The following PLAGL1 variants were observed in gnomAD, a reference collection of about 807,000 sequenced individuals.
PLAGL1 encodes PLAG1 like zinc finger 1, also known as zinc finger protein PLAGL1.
A neutral mutation model predicts 4.6 loss-of-function variants in PLAGL1; 1 was observed. That is an observed-to-expected ratio of 0.22 (90% confidence interval 0.08 to 1.03). PLAGL1 has a LOEUF of 1.03. PLAGL1 is among the 50% of genes least tolerant of loss of function. The pLI is 0.58. For missense variants in PLAGL1, 464 were observed against 570.4 expected, an observed-to-expected ratio of 0.81 and a Z score of 1.90; for synonymous variants, 240 against 237.8, an observed-to-expected ratio of 1.01 and a Z score of -0.08.
At position 143,952,746 on chromosome 6, in the gene PLAGL1, T is replaced by C. The variant is rs775607600; in HGVS notation, c.-324-4286A>G. On this transcript the variant is annotated intron_variant, in intron 6 of 7. Coordinates refer to ENST00000674357, the MANE Select transcript of PLAGL1 (RefSeq NM_001317162.2). This position sits in a 1 kb window ranked among gnomAD's most constrained non-coding sequence, Gnocchi z 6.1. ...TTTACAACATTCTTAAAATAAACTGTGACTTCTGGCATCTATTTCCATTGT... is the reference window on the plus strand; with the variant it reads ...TTTACAACATTCTTAAAATAAACTGCGACTTCTGGCATCTATTTCCATTGT... Among the ~76,000 whole-genome samples, 3 of 152,190 alleles carry C rather than the reference T, an allele frequency of 2.0e-5. No individual in the cohort carries two copies. Among genetic ancestry groups the C allele is most frequent in the Non-Finnish European group, 4.4e-5 (3 of 68,028 alleles).
At chr6:144,018,378 G>A (rs913500324) in intron 1 of PLAGL1, among the ~76,000 whole-genome samples, 4 of 152,258 alleles carry the variant, frequency 2.6e-5, no homozygotes, top group East Asian at 1.9e-4. Flanking sequence ...AGGGGCTGGC[G>A]GGGGTGAGAG....
chr6:144,049,380 T>A (rs1279293974), intron 1 of PLAGL1, among the ~76,000 whole-genome samples: 1 of 152,226 alleles, frequency 6.6e-6, no homozygotes, highest in Non-Finnish European at 1.5e-5. Context: ...TACCTTGGTA[T>A]CAATTAACTG....
chr6:144,035,921 G>A (rs1247599667), intron 1 of PLAGL1, among the ~76,000 whole-genome samples: 3 of 152,182 alleles, frequency 2.0e-5, no homozygotes, highest in African/African-American at 4.8e-5. Flanking sequence ...GCAAAGAAAC[G>A]CAGTTCAGGG....
chr6:143,975,967 C>T lies in PLAGL1; in HGVS notation c.-543-6989G>A, dbSNP rs1038633732. On this transcript the variant is annotated intron_variant, in intron 2 of 7. Coordinates refer to ENST00000674357, the MANE Select transcript of PLAGL1 (RefSeq NM_001317162.2). This position sits in a 1 kb window ranked among gnomAD's most constrained non-coding sequence, Gnocchi z 5.8. Reference sequence around the variant, plus strand: ...CTTTCATGTTTTCAAAGAACTAACACATATCTTACTTCGTTGACCCTCACA... The same window carrying T: ...CTTTCATGTTTTCAAAGAACTAACATATATCTTACTTCGTTGACCCTCACA... Among the ~76,000 whole-genome samples the T allele has an allele frequency of 6.6e-6, 1 of 152,204 alleles. No homozygotes were observed. The highest frequency in any genetic ancestry group is 2.4e-5 in the African/African-American group (1 of 41,440).
rs1427284700 is a variant in PLAGL1 at position 143,985,892 on chromosome 6, T to C, written c.-583-718A>G. 1.5e-5 allele frequency among the ~76,000 whole-genome samples: 2 copies of C among 131,090 alleles called. No homozygotes were observed. The highest frequency in any genetic ancestry group is 2.8e-5 in the African/African-American group (1 of 35,828). The allele number at this position is 131,090 out of a possible 152,430, so 86.0% of individuals were successfully genotyped here. ...CATCGGCCAAGCTACATATTATATA[T>C]TATTATGTGTGTGTGTGTGTGTGTG... On this transcript the variant is annotated intron_variant, in intron 1 of 7. Transcript: ENST00000674357. The surrounding 1 kb of genome is among the most constrained non-coding windows in gnomAD (Gnocchi z 4.4).
In PLAGL1 at chr6:143,984,801, T is replaced by G. The variant is rs1014224690; in HGVS notation, c.-544+334A>C. Among the ~76,000 whole-genome samples, 3 of 152,190 alleles carry G rather than the reference T, an allele frequency of 2.0e-5. No individual in the cohort carries two copies. Among genetic ancestry groups the G allele is most frequent in the African/African-American group, 7.2e-5 (3 of 41,454 alleles). On this transcript the variant is annotated intron_variant, in intron 2 of 7. Transcript: ENST00000674357. The surrounding 1 kb of genome is among the most constrained non-coding windows in gnomAD (Gnocchi z 5.5). ...AAAAACAAAGATACATAAATATGTTTTGGAGGAAGACTAATGCCCAACAGG... is the reference window on the plus strand; with the variant it reads ...AAAAACAAAGATACATAAATATGTTGTGGAGGAAGACTAATGCCCAACAGG...
At position 143,952,322 on chromosome 6, in the gene PLAGL1, G is replaced by A. The variant is rs944651878; in HGVS notation, c.-324-3862C>T. Reference sequence around the variant, plus strand: ...ACTTACAGAGCAATGGTCCTGATGCGAGTCATTCTGTTCTGTGACTTGACA... The same window carrying A: ...ACTTACAGAGCAATGGTCCTGATGCAAGTCATTCTGTTCTGTGACTTGACA... On this transcript the variant is annotated intron_variant, in intron 6 of 7. Transcript: ENST00000674357. This position sits in a 1 kb window ranked among gnomAD's most constrained non-coding sequence, Gnocchi z 6.1. Among the ~76,000 whole-genome samples, 8 of 152,214 alleles carry A rather than the reference G, an allele frequency of 5.3e-5. No individual in the cohort carries two copies. The highest frequency in any genetic ancestry group is 2.4e-5 in the African/African-American group (1 of 41,450).
chr6:143,985,978 AAAAT>A lies in PLAGL1; in HGVS notation c.-583-808_-583-805del, dbSNP rs1488374936. On this transcript the variant is annotated intron_variant, in intron 1 of 7. Coordinates refer to ENST00000674357, the MANE Select transcript of PLAGL1 (RefSeq NM_001317162.2). This position sits in a 1 kb window ranked among gnomAD's most constrained non-coding sequence, Gnocchi z 4.4. ...CATATATATCAAATTATATATATAT[AAAAT>A]TATATATATATATATATATATATAT... is the stretch of plus-strand genomic sequence containing the variant. Among the ~76,000 whole-genome samples the A allele has an allele frequency of 7.2e-5, 6 of 83,686 alleles. No individual in the cohort carries two copies. The highest frequency in any genetic ancestry group is 2.3e-4 in the African/African-American group (6 of 25,708). 54.9% of individuals were successfully genotyped at this position (83,686 alleles called of 152,430 possible).
At position 143,941,138 on chromosome 6, in the gene PLAGL1, A is replaced by G; in HGVS notation, c.*286T>C. The G allele has an allele frequency of 3.9e-6, 1 of 253,982 alleles. No individual in the cohort carries two copies. The highest frequency in any genetic ancestry group is 7.4e-6 in the Non-Finnish European group (1 of 134,484). 15.7% of individuals were successfully genotyped at this position (253,982 alleles called of 1,614,324 possible). A position where few individuals can be genotyped will look rare whatever the true frequency, so the allele number is the denominator to read the frequency against. On this transcript the variant is annotated 3_prime_UTR_variant, in exon 8 of 8. Transcript: ENST00000674357. This position sits in a 1 kb window ranked among gnomAD's most constrained non-coding sequence, Gnocchi z 6.0. Reference sequence around the variant, plus strand: ...ATGGCTTACGATTAAATTCCATATGACAAACACTTATATATAGCAGCCGTC... The same window carrying G: ...ATGGCTTACGATTAAATTCCATATGGCAAACACTTATATATAGCAGCCGTC...
Position 144,015,658 on chromosome 6 carries a change from C to G in PLAGL1, c.-150-46680G>C, listed in dbSNP as rs1429051187. Among the ~76,000 whole-genome samples the G allele has an allele frequency of 1.3e-5, 2 of 152,060 alleles. No homozygotes were observed. On this transcript the variant is annotated intron_variant, in intron 1 of 3. Transcript: ENST00000437412. This position sits in a 1 kb window ranked among gnomAD's most constrained non-coding sequence, Gnocchi z 4.3. The stretch of plus-strand genomic sequence containing the variant: ...AACATCATTTCCCCAATGATTAATG[C>G]AAATCAAAACTACAGTGAAATACCG...
At position 144,000,569 on chromosome 6, in the gene PLAGL1, A is replaced by T. The variant is rs1403333338; in HGVS notation, c.-584+7521T>A. 1.3e-5 allele frequency among the ~76,000 whole-genome samples: 2 copies of T among 152,162 alleles called. No homozygotes were observed. Among genetic ancestry groups the T allele is most frequent in the African/African-American group, 4.8e-5 (2 of 41,460 alleles). On this transcript the variant is annotated intron_variant, in intron 1 of 7. Coordinates refer to ENST00000674357, the MANE Select transcript of PLAGL1 (RefSeq NM_001317162.2). The surrounding 1 kb of genome is among the most constrained non-coding windows in gnomAD (Gnocchi z 4.1). ...AAAATTGAGTATTGCAAATATACCC[A>T]TTCTTCTCATATTGATCTATAAATT...
chr6:143,962,143 T>C lies in PLAGL1; in HGVS notation c.-398-1601A>G, dbSNP rs1783509172. Reference sequence around the variant, plus strand: ...TCTCTGCGCCAGTCTAATGCTTAAATAGTTAACAATGCAACAGAGAGCCCA... The same window carrying C: ...TCTCTGCGCCAGTCTAATGCTTAAACAGTTAACAATGCAACAGAGAGCCCA... On this transcript the variant is annotated intron_variant, in intron 5 of 7. Coordinates refer to ENST00000674357, the MANE Select transcript of PLAGL1 (RefSeq NM_001317162.2). The surrounding 1 kb of genome is among the most constrained non-coding windows in gnomAD (Gnocchi z 5.3). Among the ~76,000 whole-genome samples, 2 of 152,158 alleles carry C rather than the reference T, an allele frequency of 1.3e-5. No homozygotes were observed. Among genetic ancestry groups the C allele is most frequent in the Admixed American group, 1.3e-4 (2 of 15,280 alleles).
In PLAGL1 at chr6:143,958,895, TCTC is replaced by T. The variant is rs891545879; in HGVS notation, c.-325+1571_-325+1573del. Among the ~76,000 whole-genome samples, 5 of 152,144 alleles carry T rather than the reference TCTC, an allele frequency of 3.3e-5. No homozygotes were observed. Among genetic ancestry groups the T allele is most frequent in the African/African-American group, 9.7e-5 (4 of 41,426 alleles). The stretch of plus-strand genomic sequence containing the variant: ...TGGAACACTAGCAAGCAGGGCCTCT[TCTC>T]CTTTTCACCTTAAGTCTTTTTTCTC... On this transcript the variant is annotated intron_variant, in intron 6 of 7. Transcript: ENST00000674357. This position sits in a 1 kb window ranked among gnomAD's most constrained non-coding sequence, Gnocchi z 5.1.
At chr6:143,988,235 C>T (rs943454233) in intron 1 of PLAGL1, among the ~76,000 whole-genome samples, 2 of 152,180 alleles carry the variant, frequency 1.3e-5, no homozygotes, top group African/African-American at 4.8e-5. Context: ...ACAAGATTAA[C>T]TAAATTTTTC....
rs1042661065 is a variant in PLAGL1 at position 144,006,554 on chromosome 6, TCA to T, written c.-584+1534_-584+1535del. On this transcript the variant is annotated intron_variant, in intron 1 of 7. Coordinates refer to ENST00000674357, the MANE Select transcript of PLAGL1 (RefSeq NM_001317162.2). This position sits in a 1 kb window ranked among gnomAD's most constrained non-coding sequence, Gnocchi z 4.3. ...GGTTCTGAATTTTACATAGAAGATA[TCA>T]CACAGCATTCTCCGGCAACTTTTTT... 2 of 151,936 alleles carry T rather than the reference TCA, an allele frequency of 1.3e-5. No individual in the cohort carries two copies. The highest frequency in any genetic ancestry group is 4.8e-5 in the African/African-American group (2 of 41,354). The allele number at this position is 151,936 out of a possible 1,614,324, so 9.4% of individuals were successfully genotyped here.
chr6:143,941,448 A>T lies in PLAGL1; in HGVS notation c.1368T>A (p.Pro456=). The T allele has an allele frequency of 1.3e-6, 2 of 1,504,550 alleles. No homozygotes were observed. The highest frequency in any genetic ancestry group is 1.8e-6 in the Non-Finnish European group (2 of 1,126,704). The allele number at this position is 1,504,550 out of a possible 1,614,324, so 93.2% of individuals were successfully genotyped here. ...ATTATCTGAATGCATGATGGAAATGAGGCAGGATGGCAGAGCCAGTGCCAG... is the reference window on the plus strand; with the variant it reads ...ATTATCTGAATGCATGATGGAAATGTGGCAGGATGGCAGAGCCAGTGCCAG... ...FSAGTGSAIL[P]HFHHAFR The change falls in exon 8 of 8, where the codon CCT becomes CCA. Residue 456 remains proline (P), a synonymous_variant. Transcript: ENST00000674357. The surrounding 1 kb of genome is among the most constrained non-coding windows in gnomAD (Gnocchi z 6.0).
At chr6:144,011,550 G>A (rs758803676), upstream of PLAGL1, among the ~76,000 whole-genome samples, 1 of 152,100 alleles carries the variant, frequency 6.6e-6, no homozygotes, top group Non-Finnish European at 1.5e-5. This position sits in a 1 kb window ranked among gnomAD's most constrained non-coding sequence, Gnocchi z 4.3. Flanking sequence ...TTTCCCCCCA[G>A]CATACAGTAT....
Position 143,948,201 on chromosome 6 carries a change from A to G in PLAGL1, c.-65T>C. The G allele has an allele frequency of 6.8e-7, 1 of 1,474,120 alleles. No individual in the cohort carries two copies. Among genetic ancestry groups the G allele is most frequent in the Non-Finnish European group, 9.4e-7 (1 of 1,060,142 alleles). The allele number at this position is 1,474,120 out of a possible 1,614,324, so 91.3% of individuals were successfully genotyped here. A position where few individuals can be genotyped will look rare whatever the true frequency, so the allele number is the denominator to read the frequency against. ...CCAAATGCTGTGCCATTTAAGCACA[A>G]ACAGAACGATGGTGCTGGGCACATC... is the stretch of plus-strand genomic sequence containing the variant. On this transcript the variant is annotated 5_prime_UTR_variant, in exon 7 of 8. Coordinates refer to ENST00000674357, the MANE Select transcript of PLAGL1 (RefSeq NM_001317162.2). The surrounding 1 kb of genome is among the most constrained non-coding windows in gnomAD (Gnocchi z 6.0).
chr6:144,022,496 T>C lies in PLAGL1; in HGVS notation c.-151+41972A>G, dbSNP rs1184560072. 6.6e-6 allele frequency among the ~76,000 whole-genome samples: 1 copy of C among 152,214 alleles called. No individual in the cohort carries two copies. The highest frequency in any genetic ancestry group is 1.5e-5 in the Non-Finnish European group (1 of 68,036). On this transcript the variant is annotated intron_variant, in intron 1 of 3. Coordinates refer to the PLAGL1 transcript ENST00000437412. This position sits in a 1 kb window ranked among gnomAD's most constrained non-coding sequence, Gnocchi z 4.2. Reference sequence around the variant, plus strand: ...TGGCAATTTATTACAAAGCTAAACATAGTGATATGGTTTGGCTATTTCCCT... The same window carrying C: ...TGGCAATTTATTACAAAGCTAAACACAGTGATATGGTTTGGCTATTTCCCT...
Sources: gnomAD v4.1 joint callset for allele counts (sites outside exome capture counted in the v4.1 genomes callset) on GRCh38, gnomAD v4.1.1 for gene constraint, Gnocchi (gnomAD v3.1) non-coding constraint, MANE v1.5 for transcripts, NCBI Gene and HGNC (gene_info 2026-07-23, HGNC 2026-07-21) for gene names.